Variants in RAB27B observed in about 807,000 individuals in gnomAD.
RAB27B encodes the protein RAB27B, member RAS oncogene family, also known as ras-related protein Rab-27B.
Under a neutral mutation model 24.6 loss-of-function variants are expected in RAB27B, and 15 were observed. The ratio of observed to expected loss-of-function variants is 0.61; its 90% CI spans 0.41 to 0.94. The LOEUF (loss-of-function observed/expected upper bound fraction) is 0.94, where lower values mean the gene tolerates loss of function less well. Among genes scored for constraint, RAB27B ranks in the 40% least tolerant of loss-of-function variants. The pLI, the probability that RAB27B is intolerant of heterozygous loss-of-function variation, is 0.00. For synonymous variants in RAB27B, 105 were observed against 92.5 expected (o/e 1.14, Z -0.78); for missense variants, 261 against 266.8 (o/e 0.98, Z 0.15).
intron 2 of RAB27B, among the ~76,000 whole-genome samples, chr18:54,764,163 A>T (rs1005799575): frequency 1.3e-5 from 2 of 152,052 alleles, no homozygotes; most frequent in African/African-American, 2.4e-5. Context: ...GATGTCATTG[A>T]CCCTGTGTTT....
chr18:54,889,611 A>G lies in RAB27B; in HGVS notation c.*198A>G. On this transcript the variant is annotated 3_prime_UTR_variant, in exon 6 of 6. Coordinates refer to ENST00000262094, the MANE Select transcript of RAB27B (RefSeq NM_004163.4). ...CTAGTTATCCCTGAGGCCCTTTCAA[A>G]CATGATCAAAGATTTCCCAATGTGA... is the stretch of plus-strand genomic sequence containing the variant. 1 of 482,064 alleles carries G rather than the reference A, an allele frequency of 2.1e-6. No homozygotes were observed. Among genetic ancestry groups the G allele is most frequent in the Non-Finnish European group, 3.6e-6 (1 of 280,470 alleles). The allele number at this position is 482,064 out of a possible 1,614,324, so 29.9% of individuals were successfully genotyped here.
At chr18:54,851,457 T>G (rs1344369907) in intron 1 of RAB27B, among the ~76,000 whole-genome samples, 2 of 152,174 alleles carry the variant, frequency 1.3e-5, no homozygotes, top group Admixed American at 6.5e-5. Flanking sequence ...GCAAATATAA[T>G]TCTTTTCCCT....
At chr18:54,727,069 G>A (rs1280270339) in intron 2 of RAB27B, among the ~76,000 whole-genome samples, 1 of 152,148 alleles carries the variant, frequency 6.6e-6, no homozygotes, top group African/African-American at 2.4e-5. Context: ...TGCAACCTCC[G>A]CCTCCCGGGT....
chr18:54,839,096 A>G (rs1220035058), intron 1 of RAB27B, among the ~76,000 whole-genome samples: 2 of 152,180 alleles, frequency 1.3e-5, no homozygotes, highest in Non-Finnish European at 2.9e-5. Context: ...ATCATTTTAA[A>G]TAATGACTAT....
At chr18:54,742,988 A>G (rs1162538321) in intron 2 of RAB27B, among the ~76,000 whole-genome samples, 2 of 152,222 alleles carry the variant, frequency 1.3e-5, no homozygotes, top group Non-Finnish European at 2.9e-5. Context: ...AATCCTCAGA[A>G]GTGTGTCTTC....
Position 54,888,024 on chromosome 18 carries a change from A to T in RAB27B, c.373A>T (p.Asn125Tyr). The T allele has an allele frequency of 6.2e-7, 1 of 1,612,516 alleles. No individual in the cohort carries two copies. Among genetic ancestry groups the T allele is most frequent in the Non-Finnish European group, 8.5e-7 (1 of 1,179,058 alleles). Residue 125 changes from asparagine to tyrosine, a missense_variant, in exon 5 of 6, where the codon AAT (asparagine) becomes TAT (tyrosine). Coordinates refer to ENST00000262094, the MANE Select transcript of RAB27B (RefSeq NM_004163.4). Reference protein sequence around the residue: ...SQLQANAYCENPDIVLIGNKA... With the variant: ...SQLQANAYCEYPDIVLIGNKA... ...ACTGCAAGCAAATGCTTATTGTGAA[A>T]ATCCAGATATAGTATTAATTGGCAA...
intron 2 of RAB27B, among the ~76,000 whole-genome samples, chr18:54,718,777 C>T (rs1339681263): frequency 6.6e-6 from 1 of 151,906 alleles, no homozygotes; most frequent in Non-Finnish European, 1.5e-5. Context: ...ATTAGAAAAC[C>T]CAAATGATTA....
At chr18:54,724,426 A>G (rs1909464005) in intron 2 of RAB27B, among the ~76,000 whole-genome samples, 1 of 151,508 alleles carries the variant, frequency 6.6e-6, no homozygotes, top group African/African-American at 2.4e-5. Flanking sequence ...TGACAGCCCA[A>G]TAATACCGTA....
At chr18:54,824,682 C>A (rs2145172769), upstream of RAB27B, among the ~76,000 whole-genome samples, 1 of 152,284 alleles carries the variant, frequency 6.6e-6, no homozygotes, top group South Asian at 2.1e-4. Context: ...TGACATGCCT[C>A]CCCACCTGCA....
intron 2 of RAB27B, among the ~76,000 whole-genome samples, chr18:54,778,999 C>T (rs1365082302): frequency 2.6e-5 from 4 of 152,032 alleles, no homozygotes; most frequent in Non-Finnish European, 5.9e-5. Flanking sequence ...ACCACCACAC[C>T]CAGCTAATTT....
intron 2 of RAB27B, among the ~76,000 whole-genome samples, chr18:54,805,363 T>C (rs1909758503): frequency 6.6e-6 from 1 of 152,232 alleles, no homozygotes; most frequent in South Asian, 2.1e-4. Flanking sequence ...CTTTTCCTTC[T>C]GGTTTATTTA....
chr18:54,799,148 T>G (rs1461776444), intron 2 of RAB27B, among the ~76,000 whole-genome samples: 2 of 152,228 alleles, frequency 1.3e-5, no homozygotes, highest in African/African-American at 4.8e-5. Context: ...TTTTTTTAAC[T>G]AAAATTGTGA....
chr18:54,862,146 A>G (rs1025171430), intron 1 of RAB27B, among the ~76,000 whole-genome samples: 1 of 152,222 alleles, frequency 6.6e-6, no homozygotes, highest in Non-Finnish European at 1.5e-5. Context: ...AAATCAAATG[A>G]TAAATCTTTC....
intron 2 of RAB27B, among the ~76,000 whole-genome samples, chr18:54,738,768 T>C (rs1239640203): frequency 6.6e-6 from 1 of 152,220 alleles, no homozygotes; most frequent in Non-Finnish European, 1.5e-5. Flanking sequence ...TTGCTAGTTG[T>C]GGAACAAAAC....
intron 5 of RAB27B, among the ~76,000 whole-genome samples, chr18:54,888,575 G>A (rs762904045): frequency 3.3e-5 from 5 of 151,726 alleles, no homozygotes; most frequent in Non-Finnish European, 7.4e-5. Context: ...ACAAGGGTAT[G>A]AAAATGTGGT....
intron 2 of RAB27B, among the ~76,000 whole-genome samples, chr18:54,762,577 C>A (rs936325667): frequency 1.3e-5 from 2 of 152,288 alleles, no homozygotes; most frequent in African/African-American, 2.4e-5. Flanking sequence ...CTGACTTGAG[C>A]CTTGACACTT....
chr18:54,866,402 T>C (rs1912228915), intron 1 of RAB27B, among the ~76,000 whole-genome samples: 1 of 152,208 alleles, frequency 6.6e-6, no homozygotes, highest in Non-Finnish European at 1.5e-5. Flanking sequence ...TTCAAGCGAC[T>C]CTCCTGCCTC....
intron 2 of RAB27B, among the ~76,000 whole-genome samples, chr18:54,782,959 CTT>C (rs576296088): frequency 6.8e-6 from 1 of 146,766 alleles, no homozygotes; most frequent in African/African-American, 2.5e-5. Flanking sequence ...CTCATAATAA[CTT>C]TTTTTTTTTT....
intron 1 of RAB27B, among the ~76,000 whole-genome samples, chr18:54,849,517 G>A (rs928755600): frequency 2.6e-5 from 4 of 152,088 alleles, no homozygotes; most frequent in Non-Finnish European, 4.4e-5. Flanking sequence ...TGAGGAGTTC[G>A]AGACCAGCCT....
Sources: allele counts gnomAD v4.1 joint callset (sites outside exome capture counted in the v4.1 genomes callset), GRCh38; gene constraint gnomAD v4.1.1; transcripts MANE v1.5; gene names NCBI Gene and HGNC (gene_info 2026-07-23, HGNC 2026-07-21).